Variants in KIF11 observed in about 807,000 individuals in gnomAD.
The protein encoded by KIF11 is kinesin family member 11.
Under a neutral mutation model 121.0 loss-of-function variants are expected in KIF11, and 9 were observed. The ratio of observed to expected loss-of-function variants is 0.07; its 90% CI spans 0.04 to 0.13. The LOEUF is 0.13. Among genes scored for constraint, KIF11 ranks in the 10% least tolerant of loss-of-function variants. The pLI, the probability that KIF11 is intolerant of heterozygous loss-of-function variation, is 1.00. For synonymous variants in KIF11, 408 were observed against 421.0 expected (o/e 0.97, Z 0.38); for missense variants, 846 against 1,217.5 (o/e 0.69, Z 4.54).
At chr10:92,618,920 C>T (rs1268091467) in intron 9 of KIF11, among the ~76,000 whole-genome samples, 1 of 152,150 alleles carries the variant, frequency 6.6e-6, no homozygotes, top group Non-Finnish European at 1.5e-5. Flanking sequence ...CCATATCCTT[C>T]CTTTCCTGGT....
intron 10 of KIF11, among the ~76,000 whole-genome samples, chr10:92,628,149 C>T (rs1185811445): frequency 8.2e-6 from 1 of 121,684 alleles, no homozygotes; most frequent in East Asian, 2.5e-4. Flanking sequence ...TACTGAACAT[C>T]CTAAAATGTA....
chr10:92,634,570 G>A (rs1429167258), intron 14 of KIF11, among the ~76,000 whole-genome samples: 3 of 151,900 alleles, frequency 2.0e-5, no homozygotes, highest in African/African-American at 4.8e-5. Context: ...CACCGTGCCC[G>A]GCCGAGAGTA....
chr10:92,643,556 T>TA (rs1289740773), intron 17 of KIF11, among the ~76,000 whole-genome samples: 2 of 95,268 alleles, frequency 2.1e-5, no homozygotes, highest in East Asian at 5.4e-4. Flanking sequence ...ATCTACTAGA[T>TA]TTTTTTTTTT....
intron 1 of KIF11, among the ~76,000 whole-genome samples, chr10:92,595,004 G>A (rs1844278332): frequency 6.6e-6 from 1 of 152,120 alleles, no homozygotes; most frequent in Non-Finnish European, 1.5e-5. Flanking sequence ...TTTCTGTAAA[G>A]GGCCCAGAGA....
At chr10:92,609,627 T>A in intron 6 of KIF11, 118 bp downstream of exon 6, 1 of 869,902 alleles carries the variant, frequency 1.1e-6, no homozygotes, top group Non-Finnish European at 1.7e-6. Context: ...GAGTTTGTGT[T>A]ATAAGGAGGG....
At chr10:92,634,996 C>T (rs1175662118) in intron 14 of KIF11, among the ~76,000 whole-genome samples, 1 of 152,190 alleles carries the variant, frequency 6.6e-6, no homozygotes, top group African/African-American at 2.4e-5. Context: ...CTATGGAAGT[C>T]ACTCATCTAA....
rs1226491838 is a variant in KIF11 at position 92,609,112 on chromosome 10, G to T, written c.480G>T (p.Leu160=). 48 of 1,607,162 alleles carry T rather than the reference G, an allele frequency of 3.0e-5. No homozygotes were observed. The highest frequency in any genetic ancestry group is 4.1e-5 in the Non-Finnish European group (48 of 1,176,270). The change falls in exon 5 of 22, where the codon CTG becomes CTT. Residue 160 remains leucine (L), a synonymous_variant. Coordinates refer to ENST00000260731, the MANE Select transcript of KIF11 (RefSeq NM_004523.4). ...NGTEFSVKVS[L]LEIYNEELFD... is the part of the protein sequence containing the mutation. ...CTGAATTTTCAGTCAAAGTGTCTCTGTTGGAGATCTATAATGAAGAGCTTT... is the reference window on the plus strand; with the variant it reads ...CTGAATTTTCAGTCAAAGTGTCTCTTTTGGAGATCTATAATGAAGAGCTTT...
At chr10:92,602,488 TG>T (rs1844382629) in intron 1 of KIF11, among the ~76,000 whole-genome samples, 1 of 152,178 alleles carries the variant, frequency 6.6e-6, no homozygotes, top group Admixed American at 6.6e-5. Flanking sequence ...ATTTAGTCTT[TG>T]TAAGTATTGT....
chr10:92,606,800 G>A (rs1011714856), intron 3 of KIF11, 84 bp downstream of exon 3: 26 of 811,620 alleles, frequency 3.2e-5, no homozygotes, highest in Middle Eastern at 2.8e-4. Flanking sequence ...TTTTTGAGAC[G>A]GAGTTTCACT....
chr10:92,611,911 ATACT>A (rs1405534317), intron 6 of KIF11, among the ~76,000 whole-genome samples: 1 of 152,156 alleles, frequency 6.6e-6, no homozygotes, highest in African/African-American at 2.4e-5. Context: ...ATTAAAAAAG[ATACT>A]TAATTTTTTT....
intron 9 of KIF11, among the ~76,000 whole-genome samples, chr10:92,618,271 C>T (rs1297581171): frequency 3.7e-5 from 4 of 108,090 alleles, no homozygotes; most frequent in Non-Finnish European, 7.0e-5. Flanking sequence ...TTTTTCCTTT[C>T]CTTGATGTTT....
intron 8 of KIF11, among the ~76,000 whole-genome samples, chr10:92,614,499 A>C (rs1020524950): frequency 3.3e-5 from 5 of 152,172 alleles, no homozygotes; most frequent in African/African-American, 1.2e-4. Flanking sequence ...TTCCTGGCAG[A>C]GTTTTTAACC....
intron 10 of KIF11, among the ~76,000 whole-genome samples, chr10:92,623,013 A>G (rs1452137081): frequency 1.3e-5 from 2 of 152,212 alleles, no homozygotes; most frequent in Non-Finnish European, 2.9e-5. Context: ...GTTATCTCCC[A>G]TCAGGTCCCT....
intron 1 of KIF11, among the ~76,000 whole-genome samples, chr10:92,603,263 C>CTTTTTTTTTTTTTTT (rs368046931): frequency 7.3e-5 from 8 of 109,172 alleles, no homozygotes; most frequent in South Asian, 3.1e-4. Flanking sequence ...CTTTTCTTTT[C>CTTTTTTTTTTTTTTT]TTTTTTTTTT....
chr10:92,649,326 T>TG (rs1844955784), intron 19 of KIF11, among the ~76,000 whole-genome samples: 1 of 152,102 alleles, frequency 6.6e-6, no homozygotes. Flanking sequence ...GGGGGCCTGA[T>TG]GCGGTGGCTC....
In KIF11 at chr10:92,630,267, A is replaced by G. The variant is rs1844722472; in HGVS notation, c.1397A>G (p.Lys466Arg). 1.2e-6 allele frequency: 2 copies of G among 1,610,558 alleles called. No homozygotes were observed. The highest frequency in any genetic ancestry group is 1.7e-6 in the Non-Finnish European group (2 of 1,177,876). ...ACACAAGAACTTGAAACCACTCAAA[A>G]ACATTTGCAAGAAACTAAATTACAA... is the stretch of plus-strand genomic sequence containing the variant. Reference protein sequence around the residue: ...NKTQELETTQKHLQETKLQLV... With the variant: ...NKTQELETTQRHLQETKLQLV... Residue 466 changes from lysine to arginine, a missense_variant, in exon 12 of 22, where the codon AAA becomes AGA. By Grantham distance (26) the Lys-to-Arg change is conservative (BLOSUM62 2). Around this residue, in one of 5 missense-constraint regions of KIF11, gnomAD observed 95 missense variants for 109.3 expected, o/e 0.87. Coordinates refer to ENST00000260731, the MANE Select transcript of KIF11 (RefSeq NM_004523.4).
intron 10 of KIF11, among the ~76,000 whole-genome samples, chr10:92,624,365 G>T (rs1230157302): frequency 6.6e-6 from 1 of 151,240 alleles, no homozygotes; most frequent in Admixed American, 6.6e-5. Flanking sequence ...CGAGTAGCTG[G>T]GATTACAAGC....
At chr10:92,651,049 T>A (rs1478626696) in intron 21 of KIF11, among the ~76,000 whole-genome samples, 2 of 152,062 alleles carry the variant, frequency 1.3e-5, no homozygotes, top group African/African-American at 4.8e-5. Flanking sequence ...CTCTTCTTTT[T>A]TTTTTGAGAC....
intron 8 of KIF11, among the ~76,000 whole-genome samples, chr10:92,614,794 TA>T (rs1844535730): frequency 6.6e-6 from 1 of 152,158 alleles, no homozygotes; most frequent in Non-Finnish European, 1.5e-5. Context: ...TTAATTTTTT[TA>T]CTTTTAGAGG....
Sources: allele counts gnomAD v4.1 joint callset (sites outside exome capture counted in the v4.1 genomes callset), GRCh38; gene constraint gnomAD v4.1.1; regional missense constraint gnomAD v4.1.1; transcripts MANE v1.5; gene names NCBI Gene and HGNC (gene_info 2026-07-23, HGNC 2026-07-21).